Variants in TNIK observed in about 807,000 individuals in gnomAD.
The protein encoded by TNIK is TRAF2 and NCK interacting kinase, also known as TRAF2 and NCK-interacting protein kinase.
In TNIK, 49 loss-of-function variants were observed where a neutral mutation model predicts 191.3. The ratio of observed to expected loss-of-function variants is 0.26; its 90% confidence interval spans 0.20 to 0.32. TNIK has a LOEUF of 0.32. Among genes scored for constraint, TNIK ranks in the 10% least tolerant of loss-of-function variants. The pLI is 1.00. For synonymous variants in TNIK, 594 were observed against 600.9 expected (o/e 0.99, Z 0.17); for missense variants, 1,155 against 1,702.3 (o/e 0.68, Z 5.66).
chr3:171,373,029 C>G (rs868408846), intron 1 of TNIK, among the ~76,000 whole-genome samples: 1 of 152,280 alleles, frequency 6.6e-6, no homozygotes, highest in African/African-American at 2.4e-5. Context: ...TTCCCCCAAT[C>G]CAAGCGCCTG....
At chr3:171,144,821 G>A (rs1012695535) in intron 12 of TNIK, among the ~76,000 whole-genome samples, 4 of 152,272 alleles carry the variant, frequency 2.6e-5, no homozygotes, top group Admixed American at 2.6e-4. Flanking sequence ...CTATGAGAGT[G>A]ACATCTTAGA....
intron 18 of TNIK, among the ~76,000 whole-genome samples, chr3:171,118,634 A>G (rs1036642325): frequency 3.0e-4 from 46 of 152,200 alleles, no homozygotes; most frequent in Non-Finnish European, 5.4e-4. Context: ...AAATGATGCC[A>G]CATATCTATA....
intron 2 of TNIK, among the ~76,000 whole-genome samples, chr3:171,344,781 A>G (rs1291618012): frequency 6.6e-6 from 1 of 152,018 alleles, no homozygotes; most frequent in Non-Finnish European, 1.5e-5. Context: ...TTTAATTACA[A>G]CAAATTCACT....
intron 2 of TNIK, among the ~76,000 whole-genome samples, chr3:171,338,070 A>T (rs148023806): frequency 1.3e-5 from 2 of 152,202 alleles, no homozygotes; most frequent in African/African-American, 4.8e-5. Flanking sequence ...AGGCTCTTCT[A>T]CGTGGACCTA....
Position 171,427,078 on chromosome 3 carries a change from A to G in TNIK, c.57+32929T>C, listed in dbSNP as rs139741846. Among the ~76,000 whole-genome samples, 22 of 152,296 alleles carry G rather than the reference A, an allele frequency of 1.4e-4. 1 individual carries two copies. The East Asian group carries it at 4.2e-3, about 29-fold the overall frequency. ...GATCACAAAGACACCATCTATTGCT[A>G]ACATCCTTTTGTTAGTTGATGTATT... On this transcript the variant is annotated intron_variant, in intron 1 of 32. Transcript: ENST00000436636.
chr3:171,310,661 AT>A (rs1460430900), intron 2 of TNIK, among the ~76,000 whole-genome samples: 1 of 152,132 alleles, frequency 6.6e-6, no homozygotes, highest in Non-Finnish European at 1.5e-5. Flanking sequence ...TACTTTTTGT[AT>A]GAAAATTTTC....
Position 171,160,822 on chromosome 3 carries a change from G to A in TNIK, c.1016+448C>T, listed in dbSNP as rs372945487. 3.3e-5 allele frequency among the ~76,000 whole-genome samples: 5 copies of A among 152,290 alleles called. No individual in the cohort carries two copies. The South Asian group carries it at 8.3e-4, about 25-fold the overall frequency. ...AAATCACTTTCTCCTGGATTAGGCT[G>A]CAATGAAAATACCAAGGCATGTGAC... On this transcript the variant is annotated intron_variant, in intron 11 of 32. Coordinates refer to ENST00000436636, the MANE Select transcript of TNIK (RefSeq NM_015028.4).
At chr3:171,085,282 C>T (rs1721202188) in intron 24 of TNIK, 53 bp from the exon 25 acceptor site, 1 of 1,474,000 alleles carries the variant, frequency 6.8e-7, no homozygotes, top group Non-Finnish European at 9.2e-7. Flanking sequence ...GCAGGAATAA[C>T]AATGCTAACA....
At chr3:171,389,430 G>A (rs1719168292) in intron 1 of TNIK, among the ~76,000 whole-genome samples, 2 of 152,076 alleles carry the variant, frequency 1.3e-5, no homozygotes, top group African/African-American at 4.8e-5. Flanking sequence ...TGCCAGTTCT[G>A]TACTGTACAC....
At chr3:171,104,890 T>TA (rs1384106648) in intron 21 of TNIK, among the ~76,000 whole-genome samples, 1 of 152,144 alleles carries the variant, frequency 6.6e-6, no homozygotes, top group African/African-American at 2.4e-5. Context: ...CACATACTAA[T>TA]AAAAAACAGC....
intron 18 of TNIK, among the ~76,000 whole-genome samples, chr3:171,116,110 GA>G (rs1193613259): frequency 6.6e-6 from 1 of 152,198 alleles, no homozygotes; most frequent in African/African-American, 2.4e-5. Context: ...TAGAAATAGG[GA>G]AAACTTTACA....
At position 171,101,441 on chromosome 3, in the gene TNIK, T is replaced by A; in HGVS notation, c.2591+8A>T. ...TCCCGGTCTACACTTTAAAAGTAGT[T>A]CTCTTACATCAGTCTGGGTATGTCG... On this transcript the variant is annotated splice_region_variant and intron_variant, in intron 22 of 32. Coordinates refer to ENST00000436636, the MANE Select transcript of TNIK (RefSeq NM_015028.4). 1.3e-6 allele frequency: 2 copies of A among 1,589,868 alleles called. No homozygotes were observed. The highest frequency in any genetic ancestry group is 4.5e-5 in the East Asian group (2 of 44,686).
intron 3 of TNIK, among the ~76,000 whole-genome samples, chr3:171,213,262 A>T (rs1473151873): frequency 2.0e-5 from 3 of 150,936 alleles, no homozygotes; most frequent in African/African-American, 7.3e-5. Context: ...CGAATGTAGG[A>T]TGTGAGCGGA....
chr3:171,284,201 C>G (rs115414339), intron 2 of TNIK, among the ~76,000 whole-genome samples: 2,059 of 152,124 alleles, frequency 0.014, 27 homozygotes, highest in Non-Finnish European at 0.021. Flanking sequence ...ATTTGAGAAC[C>G]ATTGAGCATT....
intron 18 of TNIK, among the ~76,000 whole-genome samples, chr3:171,119,037 A>G (rs966963295): frequency 1.1e-4 from 16 of 152,252 alleles, no homozygotes; most frequent in African/African-American, 4.8e-5. Flanking sequence ...AATTTTTGCA[A>G]TCTACTTATC....
intron 1 of TNIK, among the ~76,000 whole-genome samples, chr3:171,415,425 C>T (rs1722926057): frequency 6.6e-6 from 1 of 152,110 alleles, no homozygotes; most frequent in Admixed American, 6.6e-5. Context: ...ATAGGAAGCT[C>T]CCAATAAGTA....
intron 4 of TNIK, among the ~76,000 whole-genome samples, chr3:171,196,379 T>A (rs1738671971): frequency 6.6e-6 from 1 of 152,164 alleles, no homozygotes. Flanking sequence ...ATTTGCCTTT[T>A]GGTATAAGAA....
intron 1 of TNIK, among the ~76,000 whole-genome samples, chr3:171,419,040 A>T (rs966672198): frequency 1.3e-5 from 2 of 152,148 alleles, no homozygotes; most frequent in African/African-American, 4.8e-5. Context: ...GTCTCTTCTT[A>T]TAAGTATATT....
At chr3:171,185,818 CTCTTTT>C (rs1737293829) in intron 7 of TNIK, among the ~76,000 whole-genome samples, 2 of 152,188 alleles carry the variant, frequency 1.3e-5, no homozygotes, top group African/African-American at 4.8e-5. Flanking sequence ...CTAAGCTATA[CTCTTTT>C]TCTTTTTCTT....
Sources: allele counts gnomAD v4.1 joint callset (sites outside exome capture counted in the v4.1 genomes callset), GRCh38; gene constraint gnomAD v4.1.1; transcripts MANE v1.5; gene names NCBI Gene and HGNC (gene_info 2026-07-23, HGNC 2026-07-21).